The following EGF variants were observed in gnomAD, a reference collection of about 807,000 sequenced individuals.
EGF encodes epidermal growth factor.
Under a neutral mutation model 143.8 loss-of-function variants are expected in EGF, and 95 were observed. The observed-to-expected ratio is 0.66, with a 90% confidence interval of 0.56 to 0.78. The LOEUF (loss-of-function observed/expected upper bound fraction) is 0.78. Ranked by LOEUF, EGF falls within the 30% of genes least tolerant of loss-of-function variation. The pLI is 0.00. For synonymous variants in EGF, 510 were observed against 510.5 expected (o/e 1.00, Z 0.01); for missense variants, 1,320 against 1,470.9 (o/e 0.90, Z 1.68).
intron 4 of EGF, among the ~76,000 whole-genome samples, 191 bp from the exon 5 acceptor site, chr4:109,944,882 T>A (rs1742570476): frequency 2.0e-5 from 3 of 152,260 alleles, no homozygotes; most frequent in African/African-American, 7.2e-5. Context: ...CTAGAAATTA[T>A]ATCTTATTAG....
At chr4:109,933,536 T>C (rs1740193460) in intron 1 of EGF, among the ~76,000 whole-genome samples, 1 of 152,176 alleles carries the variant, frequency 6.6e-6, no homozygotes, top group Non-Finnish European at 1.5e-5. Flanking sequence ...ACTCGTCGTT[T>C]ACATTAGGTA....
chr4:109,926,522 T>C (rs983395801), intron 1 of EGF, among the ~76,000 whole-genome samples: 1 of 150,164 alleles, frequency 6.7e-6, no homozygotes, highest in African/African-American at 2.5e-5. Context: ...ACCCGGCTAA[T>C]TTTTTTTTGT....
chr4:109,913,463 G>A lies in EGF; in HGVS notation c.127+1G>A, dbSNP rs777766539. ...GGAAATGGGAATTCTACTTGTGTGG[G>A]TAAGTACTCCAATGAAAAGGTGCTC... On this transcript the variant is annotated splice_donor_variant, in intron 1 of 23. Coordinates refer to ENST00000265171, the MANE Select transcript of EGF (RefSeq NM_001963.6). LOFTEE classifies it high-confidence loss of function. 1 of 1,613,472 alleles carries A rather than the reference G, an allele frequency of 6.2e-7. No individual in the cohort carries two copies. The highest frequency in any genetic ancestry group is 2.2e-5 in the East Asian group (1 of 44,816).
chr4:109,921,778 A>G (rs1307151007), intron 1 of EGF, among the ~76,000 whole-genome samples: 1 of 151,622 alleles, frequency 6.6e-6, no homozygotes, highest in African/African-American at 2.4e-5. Flanking sequence ...GTTGAGAAAT[A>G]GTGTTTTATT....
chr4:109,970,186 T>C (rs76680841), intron 11 of EGF, among the ~76,000 whole-genome samples: 1 of 152,120 alleles, frequency 6.6e-6, no homozygotes, highest in Non-Finnish European at 1.5e-5. Context: ...CAGAACTGAA[T>C]GGCAGGAAGC....
At chr4:109,933,226 T>C (rs1740111512) in intron 1 of EGF, among the ~76,000 whole-genome samples, 1 of 152,168 alleles carries the variant, frequency 6.6e-6, no homozygotes, top group Non-Finnish European at 1.5e-5. Context: ...TTTCCCTTTT[T>C]CCCAAGATGT....
chr4:109,927,723 CA>C (rs1168036243), intron 1 of EGF, among the ~76,000 whole-genome samples: 2,105 of 51,574 alleles, frequency 0.041, 115 homozygotes, highest in East Asian at 0.39. Context: ...GACACCGTCT[CA>C]AAAAAAAAAA....
chr4:109,959,475 C>A, intron 6 of EGF, 38 bp downstream of exon 6: 5 of 1,611,604 alleles, frequency 3.1e-6, no homozygotes, highest in South Asian at 1.1e-5. Flanking sequence ...ATGGAAGAGT[C>A]GCTGCTTGAG....
At chr4:109,955,413 A>G (rs2298985) in intron 5 of EGF, among the ~76,000 whole-genome samples, 2 of 152,146 alleles carry the variant, frequency 1.3e-5, no homozygotes, top group Non-Finnish European at 2.9e-5. Flanking sequence ...AAGATTAAGG[A>G]GATTAAAGAA....
At chr4:109,962,666 C>T (rs1394058550) in intron 8 of EGF, among the ~76,000 whole-genome samples, 2 of 152,096 alleles carry the variant, frequency 1.3e-5, no homozygotes, top group Non-Finnish European at 2.9e-5. Context: ...GATTAACATC[C>T]AAGATGTTGG....
chr4:109,944,441 GA>G (rs1239335841), intron 4 of EGF, among the ~76,000 whole-genome samples: 1 of 152,188 alleles, frequency 6.6e-6, no homozygotes, highest in Non-Finnish European at 1.5e-5. Flanking sequence ...TCCGTCTCAA[GA>G]AAAAGACTTG....
intron 11 of EGF, among the ~76,000 whole-genome samples, chr4:109,970,873 A>G (rs1294617756): frequency 6.7e-6 from 1 of 149,636 alleles, no homozygotes; most frequent in Non-Finnish European, 1.5e-5. Flanking sequence ...TCTGTATGAT[A>G]TGGTTATCAG....
At chr4:109,971,007 T>C (rs2298992) in intron 11 of EGF, among the ~76,000 whole-genome samples, 82,982 of 151,824 alleles carry the variant, frequency 0.55, 25,542 homozygotes, top group African/African-American at 0.83. Flanking sequence ...ATAGTTGCAA[T>C]GCACCAGATA....
intron 11 of EGF, 46 bp downstream of exon 11, chr4:109,969,165 GGGATAGGTAATACTATT>G: frequency 1.2e-6 from 2 of 1,611,966 alleles, no homozygotes; most frequent in Non-Finnish European, 1.7e-6. Context: ...TGGGAGTGAT[GGGATAGGTAATACTATT>G]GGCTTCATCT....
intron 15 of EGF, among the ~76,000 whole-genome samples, chr4:109,981,957 G>T (rs765639026): frequency 9.3e-5 from 14 of 150,486 alleles, no homozygotes; most frequent in Non-Finnish European, 1.8e-4. Flanking sequence ...TTGAGACAGG[G>T]TCTCCCTCTG....
At chr4:109,971,537 G>A (rs889516747) in intron 11 of EGF, among the ~76,000 whole-genome samples, 3 of 152,052 alleles carry the variant, frequency 2.0e-5, no homozygotes, top group Admixed American at 6.5e-5. Context: ...ATAGCACCAT[G>A]GTACCGACTG....
chr4:109,980,448 C>G (rs980996059), intron 14 of EGF, among the ~76,000 whole-genome samples: 1 of 152,170 alleles, frequency 6.6e-6, no homozygotes. Flanking sequence ...ACACTTGGAC[C>G]TTTCCATACC....
intron 3 of EGF, 134 bp downstream of exon 3, chr4:109,943,569 T>G (rs1742295148): frequency 1.0e-6 from 1 of 975,518 alleles, no homozygotes; most frequent in African/African-American, 1.6e-5. Flanking sequence ...CAGGCACCGT[T>G]TTCTATAGGA....
chr4:109,918,219 A>G (rs993486150), intron 1 of EGF, among the ~76,000 whole-genome samples: 9 of 151,574 alleles, frequency 5.9e-5, no homozygotes, highest in African/African-American at 1.5e-4. Flanking sequence ...TTTCTTCACT[A>G]TAAGCTCTGT....
Sources: allele counts gnomAD v4.1 joint callset (sites outside exome capture counted in the v4.1 genomes callset), GRCh38; gene constraint gnomAD v4.1.1; transcripts MANE v1.5; gene names NCBI Gene and HGNC (gene_info 2026-07-23, HGNC 2026-07-21).